Variants in PDE8B observed in about 807,000 individuals in gnomAD.
PDE8B encodes the protein phosphodiesterase 8B.
In PDE8B, 26 loss-of-function variants were observed where a neutral mutation model predicts 101.3. The ratio of observed to expected loss-of-function variants is 0.26; its 90% CI spans 0.19 to 0.36. The LOEUF is 0.36. Among genes scored for constraint, PDE8B ranks in the 10% least tolerant of loss-of-function variants. PDE8B has a pLI of 1.00. For synonymous variants in PDE8B, 424 were observed against 429.3 expected (o/e 0.99, Z 0.15); for missense variants, 810 against 1,163.1 (o/e 0.70, Z 4.42).
chr5:77,260,918 C>A (rs1338143851), intron 1 of PDE8B, among the ~76,000 whole-genome samples: 1 of 152,052 alleles, frequency 6.6e-6, no homozygotes, highest in East Asian at 1.9e-4. Flanking sequence ...CCATTTTCCC[C>A]AAGTACCCTG....
chr5:77,404,046 C>T (rs975405472), intron 11 of PDE8B, among the ~76,000 whole-genome samples: 27 of 151,734 alleles, frequency 1.8e-4, no homozygotes, highest in Non-Finnish European at 2.9e-4. Flanking sequence ...TGCAGTGGCA[C>T]GATCTTGGCT....
In PDE8B at chr5:77,418,226, C is replaced by T; in HGVS notation, c.1912-3C>T. 1.9e-6 allele frequency: 3 copies of T among 1,601,898 alleles called. No individual in the cohort carries two copies. The highest frequency in any genetic ancestry group is 2.6e-6 in the Non-Finnish European group (3 of 1,168,876). On this transcript the variant is annotated splice_region_variant and splice_polypyrimidine_tract_variant and intron_variant, in intron 17 of 21. Coordinates refer to ENST00000264917, the MANE Select transcript of PDE8B (RefSeq NM_003719.5). The stretch of plus-strand genomic sequence containing the variant: ...TGCTCAACCTTGCCTCCCCATATCC[C>T]AGGGAAGCCTCGATCAGTTGGATGA...
At chr5:77,113,470 G>A in the PDE8B span, 5 of 152,342 alleles carry the variant, frequency 3.3e-5, no homozygotes, top group East Asian at 9.6e-4. Flanking sequence ...TATGTAGAAA[G>A]GTGAAACTGG....
intron 1 of PDE8B, among the ~76,000 whole-genome samples, chr5:77,253,143 T>G (rs1197551607): frequency 6.6e-6 from 1 of 152,180 alleles, no homozygotes; most frequent in Non-Finnish European, 1.5e-5. Context: ...CAGGTGTTCC[T>G]CTGAGGGAAA....
At chr5:77,223,770 A>C (rs1035321794) in intron 1 of PDE8B, among the ~76,000 whole-genome samples, 14 of 152,144 alleles carry the variant, frequency 9.2e-5, no homozygotes, top group African/African-American at 3.4e-4. Flanking sequence ...TACTGGCAGG[A>C]AATTGGAATG....
intron 10 of PDE8B, among the ~76,000 whole-genome samples, chr5:77,376,620 T>C (rs1436194928): frequency 3.3e-5 from 5 of 152,202 alleles, no homozygotes; most frequent in Non-Finnish European, 7.4e-5. Flanking sequence ...TTTTTTCTCC[T>C]GGGGGTAATT....
chr5:77,310,267 A>T (rs1051792100), intron 1 of PDE8B, among the ~76,000 whole-genome samples: 3 of 152,180 alleles, frequency 2.0e-5, no homozygotes, highest in Non-Finnish European at 4.4e-5. Context: ...TTAACTTTTT[A>T]ATCAGCGTTC....
chr5:77,362,954 C>T (rs1434281849), intron 10 of PDE8B, among the ~76,000 whole-genome samples: 1 of 152,218 alleles, frequency 6.6e-6, no homozygotes, highest in Non-Finnish European at 1.5e-5. Context: ...CCAGACCCTC[C>T]AGGGCAGCAT....
intron 10 of PDE8B, among the ~76,000 whole-genome samples, chr5:77,367,526 CTCTCT>C (rs1293934651): frequency 8.6e-6 from 1 of 115,636 alleles, no homozygotes; most frequent in Non-Finnish European, 1.6e-5. Context: ...TTCTCTTTTT[CTCTCT>C]TTTTTTTTTT....
intron 1 of PDE8B, among the ~76,000 whole-genome samples, chr5:77,268,900 C>A (rs1438704435): frequency 6.6e-6 from 1 of 150,972 alleles, no homozygotes; most frequent in Non-Finnish European, 1.5e-5. Context: ...ATTTCCAAAT[C>A]TTAGCTCTTG....
intron 6 of PDE8B, among the ~76,000 whole-genome samples, chr5:77,337,846 T>C (rs1467509455): frequency 6.6e-6 from 1 of 152,212 alleles, no homozygotes; most frequent in Non-Finnish European, 1.5e-5. Flanking sequence ...AGGCTTGTCA[T>C]TGGTGCTCAA....
the PDE8B span, among the ~76,000 whole-genome samples, chr5:77,136,781 C>G: frequency 6.6e-6 from 1 of 152,184 alleles, no homozygotes; most frequent in Non-Finnish European, 1.5e-5. Flanking sequence ...AGAACATTTG[C>G]ATCATTCAAT....
intron 7 of PDE8B, among the ~76,000 whole-genome samples, chr5:77,348,654 C>T (rs887924066): frequency 1.3e-5 from 2 of 152,106 alleles, no homozygotes; most frequent in African/African-American, 4.8e-5. Flanking sequence ...TAATACAAGC[C>T]GCCACTGTTG....
At chr5:77,100,316 A>T in the PDE8B span, 3 of 152,238 alleles carry the variant, frequency 2.0e-5, no homozygotes, top group Admixed American at 2.0e-4. Flanking sequence ...TTCTGTTAAC[A>T]TGCATACAGT....
intron 2 of PDE8B, among the ~76,000 whole-genome samples, chr5:77,322,489 G>A (rs908569599): frequency 6.6e-6 from 1 of 152,048 alleles, no homozygotes; most frequent in Non-Finnish European, 1.5e-5. Flanking sequence ...GCCCTCTGCC[G>A]TGAACCTGAC....
At chr5:77,157,266 G>T in the PDE8B span, among the ~76,000 whole-genome samples, 1 of 152,116 alleles carries the variant, frequency 6.6e-6, no homozygotes, top group East Asian at 1.9e-4. Context: ...ACTCATACTT[G>T]AACTGTTTTT....
At chr5:77,343,530 G>A (rs1316099683) in intron 6 of PDE8B, among the ~76,000 whole-genome samples, 1 of 152,166 alleles carries the variant, frequency 6.6e-6, no homozygotes, top group African/African-American at 2.4e-5. Context: ...CTTGTATAAG[G>A]CACTTAGCAT....
chr5:77,364,529 G>T (rs1032371529), intron 10 of PDE8B, among the ~76,000 whole-genome samples: 4 of 152,180 alleles, frequency 2.6e-5, no homozygotes, highest in African/African-American at 7.2e-5. Flanking sequence ...TTCTCACCCT[G>T]GTTTGCTGAA....
At chr5:77,410,549 C>T (rs1189576786) in intron 14 of PDE8B, 1 of 152,202 alleles carries the variant, frequency 6.6e-6, no homozygotes, top group African/African-American at 2.4e-5. Context: ...GTTTCCTCTC[C>T]AGAGAATGCT....
Sources: gnomAD v4.1 joint callset for allele counts (sites outside exome capture counted in the v4.1 genomes callset) on GRCh38, gnomAD v4.1.1 for gene constraint, MANE v1.5 for transcripts, NCBI Gene and HGNC (gene_info 2026-07-23, HGNC 2026-07-21) for gene names.